Variants in DIS3L2 observed in about 807,000 individuals in gnomAD.
DIS3L2 encodes the protein DIS3 like 3'-5' exoribonuclease 2.
A neutral mutation model predicts 97.5 loss-of-function variants in DIS3L2; 34 were observed. That is an observed-to-expected ratio of 0.35 (90% CI 0.27 to 0.46). The LOEUF (loss-of-function observed/expected upper bound fraction) is 0.46, where lower values mean the gene tolerates loss of function less well. Among genes scored for constraint, DIS3L2 ranks in the 20% least tolerant of loss-of-function variants. The pLI is 1.00. For synonymous variants in DIS3L2, 435 were observed against 445.2 expected (o/e 0.98, Z 0.29); for missense variants, 1,038 against 1,146.0 (o/e 0.91, Z 1.36).
chr2:232,343,152 C>A, intron 13 of DIS3L2: 1 of 616,764 alleles, frequency 1.6e-6, no homozygotes, highest in South Asian at 2.0e-5. Context: ...CCTGGCTCAT[C>A]ATCAAAGCAG....
chr2:232,219,577 T>C (rs942386825), intron 10 of DIS3L2, among the ~76,000 whole-genome samples: 1 of 152,184 alleles, frequency 6.6e-6, no homozygotes, highest in Non-Finnish European at 1.5e-5. Context: ...AGTGTTTCAC[T>C]CCATCTGTCA....
chr2:232,258,034 G>A (rs950930423), intron 12 of DIS3L2, among the ~76,000 whole-genome samples: 1 of 152,180 alleles, frequency 6.6e-6, no homozygotes, highest in African/African-American at 2.4e-5. Context: ...GTGTTAAGGA[G>A]ATTTTAGAAG....
At chr2:232,121,175 T>G (rs1697892731) in intron 6 of DIS3L2, among the ~76,000 whole-genome samples, 1 of 152,106 alleles carries the variant, frequency 6.6e-6, no homozygotes, top group Admixed American at 6.5e-5. Flanking sequence ...CACTTTTCCT[T>G]CATTCAGATT....
intron 4 of DIS3L2, among the ~76,000 whole-genome samples, chr2:232,028,172 A>G (rs1694711524): frequency 6.6e-6 from 1 of 152,064 alleles, no homozygotes; most frequent in Non-Finnish European, 1.5e-5. Context: ...TGATTACCAC[A>G]TGCCCACCTC....
intron 9 of DIS3L2, among the ~76,000 whole-genome samples, chr2:232,184,077 C>T (rs1171674628): frequency 6.6e-6 from 1 of 152,158 alleles, no homozygotes; most frequent in Non-Finnish European, 1.5e-5. Context: ...GATATTTAGC[C>T]ATTTTTCTTG....
chr2:232,280,643 T>C (rs1308636704), intron 13 of DIS3L2, among the ~76,000 whole-genome samples: 2 of 152,180 alleles, frequency 1.3e-5, no homozygotes, highest in Non-Finnish European at 2.9e-5. Flanking sequence ...GAAGAAAGCC[T>C]GGTGTGGGTG....
In DIS3L2 at chr2:232,098,396, C is replaced by T. The variant is rs375172520; in HGVS notation, c.601+10675C>T. Among the ~76,000 whole-genome samples, 135 of 151,266 alleles carry T rather than the reference C, an allele frequency of 8.9e-4. 1 individual carries two copies. Among genetic ancestry groups the T allele is most frequent in the African/African-American group, 3.2e-3 (132 of 41,258 alleles). ...TTGAGACAGAGTCTACTCTGTCACC[C>T]AGGCTGGAGTGCAGTGACACCATCT... is the stretch of plus-strand genomic sequence containing the variant. On this transcript the variant is annotated intron_variant, in intron 6 of 20. Coordinates refer to ENST00000325385, the MANE Select transcript of DIS3L2 (RefSeq NM_152383.5).
intron 16 of DIS3L2, among the ~76,000 whole-genome samples, chr2:232,333,182 T>G (rs1267273579): frequency 0.013 from 80 of 6,082 alleles, no homozygotes; most frequent in African/African-American, 0.039. Flanking sequence ...TGTCGCCTCC[T>G]CCTCCTCCTC....
chr2:232,200,998 C>CT (rs1301961615), intron 9 of DIS3L2, among the ~76,000 whole-genome samples: 2 of 152,170 alleles, frequency 1.3e-5, no homozygotes, highest in African/African-American at 4.8e-5. Flanking sequence ...TGGCCTCGAA[C>CT]TTCTGACCTC....
intron 9 of DIS3L2, among the ~76,000 whole-genome samples, chr2:232,199,527 G>A (rs907576355): frequency 5.3e-5 from 8 of 152,154 alleles, no homozygotes; most frequent in Admixed American, 1.3e-4. Context: ...GATAAGATTT[G>A]GAGTAGGGTA....
chr2:232,018,899 C>T (rs1403380088), intron 3 of DIS3L2, among the ~76,000 whole-genome samples: 1 of 151,992 alleles, frequency 6.6e-6, no homozygotes, highest in Non-Finnish European at 1.5e-5. Flanking sequence ...ATAATAAATT[C>T]TCACATCAAA....
At chr2:232,088,390 CAAAAAAAAA>C (rs778505065) in intron 6 of DIS3L2, among the ~76,000 whole-genome samples, 67 of 55,700 alleles carry the variant, frequency 1.2e-3, no homozygotes, top group African/African-American at 3.9e-3. Flanking sequence ...ACTAAAAATA[CAAAAAAAAA>C]AAAAAAAAAA....
chr2:232,033,262 A>G (rs756410801), intron 5 of DIS3L2, among the ~76,000 whole-genome samples: 1 of 152,082 alleles, frequency 6.6e-6, no homozygotes, highest in Non-Finnish European at 1.5e-5. Flanking sequence ...GAGTTTGCTC[A>G]TGATTTGGCA....
intron 13 of DIS3L2, among the ~76,000 whole-genome samples, chr2:232,270,888 C>G (rs916729843): frequency 2.0e-5 from 3 of 148,998 alleles, no homozygotes; most frequent in African/African-American, 7.6e-5. Flanking sequence ...CTCTCTCTCT[C>G]TCTCTCTCTC....
intron 7 of DIS3L2, 75 bp from the exon 8 acceptor site, chr2:232,136,397 T>C (rs1005992864): frequency 2.6e-6 from 4 of 1,560,516 alleles, no homozygotes; most frequent in Non-Finnish European, 1.7e-6. Context: ...GATCAAATTA[T>C]AACCTGCTGA....
chr2:232,108,790 A>G (rs796072889), intron 6 of DIS3L2, among the ~76,000 whole-genome samples: 2 of 152,288 alleles, frequency 1.3e-5, no homozygotes, highest in African/African-American at 4.8e-5. Context: ...CAAATCACAA[A>G]TGAACTCCCA....
Position 231,982,081 on chromosome 2 carries a change from ATTC to A in DIS3L2, c.-94+20319_-94+20321del, listed in dbSNP as rs143264000. 8.9e-3 allele frequency among the ~76,000 whole-genome samples: 1,349 copies of A among 151,888 alleles called. 17 individuals are homozygous for A. Among genetic ancestry groups the A allele is most frequent in the African/African-American group, 0.031 (1,290 of 41,430 alleles). ...ACTAGTTGGTGATAAATTTTGTCAT[ATTC>A]TTTTTTGGACATTTGTTAAGTTCAC... On this transcript the variant is annotated intron_variant, in intron 1 of 20. Transcript: ENST00000325385.
rs549144340 is a variant in DIS3L2 at position 232,004,793 on chromosome 2, G to C, written c.-93-10042G>C. On this transcript the variant is annotated intron_variant, in intron 1 of 20. Coordinates refer to ENST00000325385, the MANE Select transcript of DIS3L2 (RefSeq NM_152383.5). The stretch of plus-strand genomic sequence containing the variant: ...GACGGGGTTTCACCATGTTGGCCAG[G>C]CTGCTCTTGAATTCCTGGGCTCAAG... 1.3e-4 allele frequency among the ~76,000 whole-genome samples: 20 copies of C among 152,154 alleles called. No individual in the cohort carries two copies. The South Asian group carries it at 4.2e-3, about 32-fold the overall frequency.
chr2:232,110,996 T>C lies in DIS3L2; in HGVS notation c.602-19623T>C, dbSNP rs1198676763. Among the ~76,000 whole-genome samples, 4 of 152,250 alleles carry C rather than the reference T, an allele frequency of 2.6e-5. No homozygotes were observed. The South Asian group carries it at 6.2e-4, about 24-fold the overall frequency. On this transcript the variant is annotated intron_variant, in intron 6 of 20. Coordinates refer to ENST00000325385, the MANE Select transcript of DIS3L2 (RefSeq NM_152383.5). ...CAGCCCACTGTAGTTACATTGACTT[T>C]GCCTGCTGGCCAGAAGCTCTAATTA...
Sources: gnomAD v4.1 joint callset for allele counts (sites outside exome capture counted in the v4.1 genomes callset) on GRCh38, gnomAD v4.1.1 for gene constraint, MANE v1.5 for transcripts, NCBI Gene and HGNC (gene_info 2026-07-23, HGNC 2026-07-21) for gene names.